The following SCAND3 variants were observed in gnomAD, a reference collection of about 807,000 sequenced individuals.
The protein encoded by SCAND3 is SCAN domain-containing protein 3.
the SCAND3 span, among the ~76,000 whole-genome samples, chr6:28,574,107 A>G: frequency 2.0e-5 from 3 of 152,294 alleles, no homozygotes; most frequent in South Asian, 4.1e-4. Flanking sequence ...GAGTTTAACA[A>G]TACCTAAATT....
the SCAND3 span, chr6:28,573,058 G>C: frequency 6.2e-7 from 1 of 1,610,800 alleles, no homozygotes; most frequent in Non-Finnish European, 8.5e-7. Flanking sequence ...ATACAGTTCT[G>C]AGCTAGTTGT....
At chr6:28,577,648 A>C in the SCAND3 span, among the ~76,000 whole-genome samples, 2 of 152,186 alleles carry the variant, frequency 1.3e-5, no homozygotes, top group Non-Finnish European at 2.9e-5. Context: ...TACCTCCACC[A>C]AATGGATCCA....
the SCAND3 span, among the ~76,000 whole-genome samples, chr6:28,608,510 A>T: frequency 6.6e-6 from 1 of 152,154 alleles, no homozygotes; most frequent in African/African-American, 2.4e-5. Context: ...CCAACACAAA[A>T]AAGTATCCCA....
At chr6:28,586,602 G>A in the SCAND3 span, 1 of 1,614,182 alleles carries the variant, frequency 6.2e-7, no homozygotes, top group Non-Finnish European at 8.5e-7. This position sits in a 1 kb window ranked among gnomAD's most constrained non-coding sequence, Gnocchi z 4.4. Context: ...CCTACGTAGG[G>A]CTGATTCCTG....
the SCAND3 span, among the ~76,000 whole-genome samples, chr6:28,584,688 T>C: frequency 6.6e-6 from 1 of 152,212 alleles, no homozygotes; most frequent in East Asian, 1.9e-4. Flanking sequence ...CTGCTTCCAA[T>C]AGAGACTGGT....
At chr6:28,575,232 G>A in the SCAND3 span, 2 of 1,614,016 alleles carry the variant, frequency 1.2e-6, no homozygotes, top group Non-Finnish European at 1.7e-6. This position sits in a 1 kb window ranked among gnomAD's most constrained non-coding sequence, Gnocchi z 4.2. Flanking sequence ...AGTGTGATGA[G>A]TTGTTAGTTT....
the SCAND3 span, chr6:28,572,815 A>G: frequency 6.2e-7 from 1 of 1,612,746 alleles, no homozygotes; most frequent in Non-Finnish European, 8.5e-7. The surrounding 1 kb of genome is among the most constrained non-coding windows in gnomAD (Gnocchi z 4.1). Context: ...ATAATTCACA[A>G]TTTTTACTAT....
chr6:28,589,852 G>GTTTTTTTTTTTT, the SCAND3 span: 3 of 117,662 alleles, frequency 2.5e-5, no homozygotes, highest in Non-Finnish European at 1.7e-5. Context: ...TTGTTTTTTT[G>GTTTTTTTTTTTT]TTTGTTTTTT....
the SCAND3 span, among the ~76,000 whole-genome samples, chr6:28,595,355 AG>A: frequency 0.024 from 3,136 of 131,568 alleles, 83 homozygotes; most frequent in Non-Finnish European, 0.044. Flanking sequence ...AAAAAAAAAA[AG>A]AAGAAGAAGA....
chr6:28,602,080 G>A, the SCAND3 span, among the ~76,000 whole-genome samples: 1 of 152,150 alleles, frequency 6.6e-6, no homozygotes, highest in Non-Finnish European at 1.5e-5. Context: ...AAGAAAGAAA[G>A]ACTCACTGAA....
chr6:28,613,023 A>G, the SCAND3 span, among the ~76,000 whole-genome samples: 1 of 152,174 alleles, frequency 6.6e-6, no homozygotes, highest in Non-Finnish European at 1.5e-5. Context: ...TTTAATATCT[A>G]GAGACTAGAT....
the SCAND3 span, chr6:28,573,302 T>C: frequency 6.2e-7 from 1 of 1,614,156 alleles, no homozygotes; most frequent in Non-Finnish European, 8.5e-7. Flanking sequence ...TGAGCTACCT[T>C]CTTTGCTGCA....
the SCAND3 span, chr6:28,575,059 T>C: frequency 6.2e-7 from 1 of 1,614,214 alleles, no homozygotes; most frequent in East Asian, 2.2e-5. The surrounding 1 kb of genome is among the most constrained non-coding windows in gnomAD (Gnocchi z 4.2). Context: ...CTGATCTAAT[T>C]CATTTTCTGT....
chr6:28,612,204 A>AT, the SCAND3 span, among the ~76,000 whole-genome samples: 154 of 151,174 alleles, frequency 1.0e-3, no homozygotes, highest in Admixed American at 2.4e-3. Flanking sequence ...TGCCCGGCTA[A>AT]TTTTTTTTTA....
At chr6:28,611,238 G>C in the SCAND3 span, among the ~76,000 whole-genome samples, 1 of 152,124 alleles carries the variant, frequency 6.6e-6, no homozygotes, top group Non-Finnish European at 1.5e-5. Flanking sequence ...CCATGTCCAA[G>C]ATACATCTTT....
chr6:28,582,869 C>G, the SCAND3 span, among the ~76,000 whole-genome samples: 1 of 151,834 alleles, frequency 6.6e-6, no homozygotes. The surrounding 1 kb of genome is among the most constrained non-coding windows in gnomAD (Gnocchi z 4.8). Flanking sequence ...TTGCAGTGAG[C>G]CAAGATCCTG....
At chr6:28,586,309 G>A in the SCAND3 span, 1 of 1,604,906 alleles carries the variant, frequency 6.2e-7, no homozygotes, top group Non-Finnish European at 8.5e-7. This position sits in a 1 kb window ranked among gnomAD's most constrained non-coding sequence, Gnocchi z 4.4. Flanking sequence ...TGCTGTCTAG[G>A]TTCATCAAGC....
chr6:28,615,485 C>T, the SCAND3 span, among the ~76,000 whole-genome samples: 5 of 151,594 alleles, frequency 3.3e-5, no homozygotes, highest in African/African-American at 4.9e-5. Context: ...TGGTGGTGCG[C>T]GCCTGTAATC....
chr6:28,589,292 CCTAA>C, the SCAND3 span: 1 of 152,206 alleles, frequency 6.6e-6, no homozygotes, highest in Non-Finnish European at 1.5e-5. Context: ...TGAAGCCTGA[CCTAA>C]CTCTTTCGGA....
Sources: gnomAD v4.1 joint callset for allele counts (sites outside exome capture counted in the v4.1 genomes callset) on GRCh38, gnomAD v4.1.1 for gene constraint, Gnocchi (gnomAD v3.1) non-coding constraint, MANE v1.5 for transcripts, NCBI Gene and HGNC (gene_info 2026-07-23, HGNC 2026-07-21) for gene names.